The following NOTCH2 variants were observed in gnomAD, a reference collection of about 807,000 sequenced individuals.
The protein encoded by NOTCH2 is neurogenic locus notch homolog protein 2.
A neutral mutation model predicts 235.8 loss-of-function variants in NOTCH2; 29 were observed. The ratio of observed to expected loss-of-function variants is 0.12; its 90% confidence interval spans 0.09 to 0.17. The LOEUF is 0.17. NOTCH2 is among the 10% of genes least tolerant of loss of function. NOTCH2 has a pLI of 1.00. For missense variants in NOTCH2, 2,285 were observed against 3,150.2 expected (o/e 0.73, Z 6.57); for synonymous variants, 1,086 against 1,141.5 (o/e 0.95, Z 0.98).
chr1:120,028,441 GTT>G (rs59185424), intron 2 of NOTCH2, among the ~76,000 whole-genome samples: 1 of 151,418 alleles, frequency 6.6e-6, no homozygotes, highest in Non-Finnish European at 1.5e-5. Flanking sequence ...AATGCACCAC[GTT>G]TTTTTTTCCC....
intron 2 of NOTCH2, among the ~76,000 whole-genome samples, chr1:120,027,650 C>T (rs1178433352): frequency 6.6e-6 from 1 of 151,638 alleles, no homozygotes; most frequent in Non-Finnish European, 1.5e-5. Flanking sequence ...TGACAGGCCC[C>T]AGTGTGTGAT....
chr1:120,047,974 G>T (rs587685095), intron 1 of NOTCH2, among the ~76,000 whole-genome samples: 1 of 150,216 alleles, frequency 6.7e-6, no homozygotes, highest in Non-Finnish European at 1.5e-5. Context: ...TGCCACATTG[G>T]CCAGGCTGGT....
chr1:119,981,184 T>TTTCAAAACA (rs1651798589), intron 5 of NOTCH2, among the ~76,000 whole-genome samples: 1 of 137,942 alleles, frequency 7.2e-6, no homozygotes, highest in Non-Finnish European at 1.7e-5. Context: ...CTGTCAACAG[T>TTTCAAAACA]TCCCATCCAT....
intron 8 of NOTCH2, among the ~76,000 whole-genome samples, chr1:119,967,122 G>T (rs966320506): frequency 6.6e-6 from 1 of 152,156 alleles, no homozygotes; most frequent in Admixed American, 6.5e-5. Flanking sequence ...TTACATGAAG[G>T]TATCAGGAAA....
Position 120,069,397 on chromosome 1 carries a change from G to C in NOTCH2, c.10C>G (p.Leu4Val). The change falls in exon 1 of 34, where the codon CTG becomes GTG. Residue 4 changes from leucine (L) to valine (V), a missense_variant. Leu to Val is a conservative substitution (Grantham distance 32). This residue lies in a region of NOTCH2 where 37 missense variants were observed against 31.4 expected (regional missense o/e 1.18). Transcript: ENST00000256646. The part of the protein sequence containing the change: MPA[L>V]RPALLWALLA... Reference sequence around the variant, plus strand: ...AGCGCCCACAGCAGAGCGGGGCGCAGGGCGGGCATCTTCTCGGTCGCCTCC... The same window carrying C: ...AGCGCCCACAGCAGAGCGGGGCGCACGGCGGGCATCTTCTCGGTCGCCTCC... The C allele has an allele frequency of 6.5e-7, 1 of 1,548,458 alleles. No homozygotes were observed. The highest frequency in any genetic ancestry group is 8.7e-7 in the Non-Finnish European group (1 of 1,155,284).
chr1:119,983,106 T>A (rs1037468770), intron 5 of NOTCH2, among the ~76,000 whole-genome samples: 20 of 152,218 alleles, frequency 1.3e-4, no homozygotes, highest in African/African-American at 4.8e-4. Context: ...TAATATTATG[T>A]TATATTTAAT....
chr1:119,928,436 G>T (rs1357185867), intron 23 of NOTCH2, among the ~76,000 whole-genome samples: 1 of 152,166 alleles, frequency 6.6e-6, no homozygotes, highest in East Asian at 1.9e-4. Flanking sequence ...CATGGTGGCA[G>T]GAACTACCCA....
At chr1:119,996,800 C>T in intron 4 of NOTCH2, 197 bp downstream of exon 4, 1 of 805,746 alleles carries the variant, frequency 1.2e-6, no homozygotes, top group Non-Finnish European at 2.2e-6. Flanking sequence ...TAAACCCTGA[C>T]ATGCTAAATT....
intron 5 of NOTCH2, among the ~76,000 whole-genome samples, chr1:119,984,395 G>A (rs1189375131): frequency 1.3e-5 from 2 of 152,012 alleles, no homozygotes; most frequent in Non-Finnish European, 2.9e-5. Flanking sequence ...TTTTGAATAC[G>A]CATCATCATC....
intron 15 of NOTCH2, chr1:119,950,296 T>C (rs1305369431): frequency 2.8e-6 from 1 of 360,212 alleles, no homozygotes; most frequent in East Asian, 7.3e-5. Flanking sequence ...TAGGAACTTC[T>C]ACATTGTAGA....
In NOTCH2 at chr1:119,943,935, A is replaced by C. The variant is rs183048814; in HGVS notation, c.2753-2181T>G. On this transcript the variant is annotated intron_variant, in intron 17 of 33. Coordinates refer to ENST00000256646, the MANE Select transcript of NOTCH2 (RefSeq NM_024408.4). ...TAAAAACATAATATCTGAGGGAAAA[A>C]TATACTAAATGAGATGAACAGTAAA... is the stretch of plus-strand genomic sequence containing the variant. 2.0e-5 allele frequency among the ~76,000 whole-genome samples: 3 copies of C among 152,314 alleles called. No individual in the cohort carries two copies. In the East Asian group the frequency reaches 5.8e-4, roughly 29 times the overall value.
At chr1:119,983,883 A>G (rs1297607244) in intron 5 of NOTCH2, among the ~76,000 whole-genome samples, 3 of 152,200 alleles carry the variant, frequency 2.0e-5, no homozygotes, top group African/African-American at 2.4e-5. Context: ...TTTAAAATTA[A>G]TGCCTATCTT....
chr1:119,932,797 C>G (rs1411537571), intron 22 of NOTCH2, among the ~76,000 whole-genome samples: 2 of 152,116 alleles, frequency 1.3e-5, no homozygotes, highest in Non-Finnish European at 2.9e-5. Context: ...TTTGGCTTCT[C>G]TCTACATAAA....
At chr1:119,954,849 C>T (rs1020085698) in intron 13 of NOTCH2, among the ~76,000 whole-genome samples, 191 bp downstream of exon 13, 1 of 152,222 alleles carries the variant, frequency 6.6e-6, no homozygotes, top group East Asian at 1.9e-4. Flanking sequence ...TCTAGGTCCT[C>T]ACTTATGGAA....
At chr1:120,048,746 C>G (rs1444751577) in intron 1 of NOTCH2, among the ~76,000 whole-genome samples, 25 of 115,178 alleles carry the variant, frequency 2.2e-4, no homozygotes, top group African/African-American at 8.3e-4. Flanking sequence ...CCAAGCCCAG[C>G]CCCAGCACCA....
intron 5 of NOTCH2, among the ~76,000 whole-genome samples, chr1:119,979,924 G>C (rs1400639774): frequency 6.6e-6 from 1 of 152,020 alleles, no homozygotes; most frequent in African/African-American, 2.4e-5. Flanking sequence ...ATGAATTGAA[G>C]TCCTTTAAAA....
rs7527186 is a variant in NOTCH2 at position 119,914,878 on chromosome 1, C to T, written c.*428G>A. 0.043 allele frequency: 15,055 copies of T among 350,196 alleles called. 601 individuals carry two copies. Among genetic ancestry groups the T allele is most frequent in the African/African-American group, 0.11 (5,549 of 49,094 alleles). The allele number at this position is 350,196 out of a possible 1,614,324, so 21.7% of individuals were successfully genotyped here. A position where few individuals can be genotyped will look rare whatever the true frequency, so the allele number is the denominator to read the frequency against. On this transcript the variant is annotated 3_prime_UTR_variant, in exon 34 of 34. Transcript: ENST00000256646. Reference sequence around the variant, plus strand: ...AAGAATGTCCAAGGAGGAGGAGATGCGTAGGTCAATTCAGGCAGAATTCCA... The same window carrying T: ...AAGAATGTCCAAGGAGGAGGAGATGTGTAGGTCAATTCAGGCAGAATTCCA...
intron 5 of NOTCH2, among the ~76,000 whole-genome samples, chr1:119,979,315 T>C (rs1553201356): frequency 6.6e-6 from 1 of 152,148 alleles, no homozygotes; most frequent in East Asian, 1.9e-4. Context: ...CTGACAACTC[T>C]ACAACAAATG....
intron 2 of NOTCH2, among the ~76,000 whole-genome samples, chr1:120,007,808 G>GT (rs1158143772): frequency 4.7e-5 from 7 of 149,158 alleles, no homozygotes; most frequent in Non-Finnish European, 1.0e-4. Context: ...TCTTGTGTTG[G>GT]TTTTTTGAAG....
Sources: allele counts gnomAD v4.1 joint callset (sites outside exome capture counted in the v4.1 genomes callset), GRCh38; gene constraint gnomAD v4.1.1; regional missense constraint gnomAD v4.1.1; transcripts MANE v1.5; gene names NCBI Gene and HGNC (gene_info 2026-07-23, HGNC 2026-07-21).